ESRRG: variants seen among roughly 807,000 people sequenced by gnomAD.
ESRRG encodes estrogen related receptor gamma.
Under a neutral mutation model 44.0 loss-of-function variants are expected in ESRRG, and 13 were observed. That is an observed-to-expected ratio of 0.30 (90% CI 0.19 to 0.47). The LOEUF (loss-of-function observed/expected upper bound fraction) is 0.47, where lower values mean the gene tolerates loss of function less well. Among genes scored for constraint, ESRRG ranks in the 20% least tolerant of loss-of-function variants. ESRRG has a pLI of 1.00. For missense variants in ESRRG, 395 were observed against 580.6 expected, an observed-to-expected ratio of 0.68 and a Z score of 3.29; for synonymous variants, 215 against 214.6, an observed-to-expected ratio of 1.00 and a Z score of -0.02.
intron 2 of ESRRG, among the ~76,000 whole-genome samples, chr1:216,939,144 G>C (rs11572490): frequency 4.6e-5 from 7 of 151,802 alleles, no homozygotes; most frequent in Non-Finnish European, 5.9e-5. Context: ...AGGACAAGAC[G>C]TAAAGAAGAG....
At chr1:216,549,035 T>C (rs6666762) in intron 5 of ESRRG, among the ~76,000 whole-genome samples, 15,378 of 152,118 alleles carry the variant, frequency 0.1, 1,185 homozygotes, top group African/African-American at 0.22. Context: ...GTATAGAACA[T>C]GACAAATCTG....
At chr1:216,628,451 G>T (rs75715260) in intron 3 of ESRRG, among the ~76,000 whole-genome samples, 3,451 of 152,260 alleles carry the variant, frequency 0.023, 56 homozygotes, top group Non-Finnish European at 0.036. Flanking sequence ...CAAGCTAACA[G>T]CCAATTTGGA....
chr1:216,753,325 G>T (rs975920363), intron 2 of ESRRG, among the ~76,000 whole-genome samples: 4 of 152,012 alleles, frequency 2.6e-5, no homozygotes, highest in East Asian at 1.9e-4. Context: ...AATTCAATTG[G>T]ATGCTTTCAA....
intron 3 of ESRRG, among the ~76,000 whole-genome samples, chr1:216,612,393 C>T (rs2060797025): frequency 6.6e-6 from 1 of 152,144 alleles, no homozygotes; most frequent in African/African-American, 2.4e-5. Context: ...AGAACTGTTT[C>T]AATCCTCAGG....
At chr1:216,563,606 A>T (rs1181601930) in intron 5 of ESRRG, among the ~76,000 whole-genome samples, 2 of 152,204 alleles carry the variant, frequency 1.3e-5, no homozygotes, top group African/African-American at 4.8e-5. Context: ...ACTTACAAGC[A>T]TGTACATATT....
chr1:216,593,160 AAC>A (rs1176117916), intron 3 of ESRRG, among the ~76,000 whole-genome samples: 1 of 152,210 alleles, frequency 6.6e-6, no homozygotes. Context: ...GTGAATGAAT[AAC>A]AGTCACTATG....
At chr1:217,039,719 C>T (rs555176368) in intron 1 of ESRRG, among the ~76,000 whole-genome samples, 1 of 152,284 alleles carries the variant, frequency 6.6e-6, no homozygotes, top group East Asian at 1.9e-4. Flanking sequence ...TCCTTTAAAG[C>T]ACTTAAATTA....
chr1:216,664,879 C>A (rs2073509995), intron 2 of ESRRG, among the ~76,000 whole-genome samples: 1 of 152,014 alleles, frequency 6.6e-6, no homozygotes, highest in African/African-American at 2.4e-5. Context: ...TGTATGCATA[C>A]ATCCAAAAGA....
At chr1:216,568,220 G>A in intron 3 of ESRRG, 122 bp from the exon 4 acceptor site, 1 of 700,916 alleles carries the variant, frequency 1.4e-6, no homozygotes, top group Non-Finnish European at 2.5e-6. Context: ...GAATGGACCA[G>A]GGGTACTCAA....
intron 2 of ESRRG, among the ~76,000 whole-genome samples, chr1:216,934,159 G>A (rs2063756996): frequency 6.6e-6 from 1 of 152,078 alleles, no homozygotes; most frequent in Non-Finnish European, 1.5e-5. Flanking sequence ...AGAGGCTGGG[G>A]GTGGTGGCTC....
At chr1:216,925,543 A>G (rs944610280) in intron 2 of ESRRG, among the ~76,000 whole-genome samples, 1 of 152,204 alleles carries the variant, frequency 6.6e-6, no homozygotes, top group Non-Finnish European at 1.5e-5. Flanking sequence ...TTATTCTCAA[A>G]TACAAGAGAA....
intron 1 of ESRRG, among the ~76,000 whole-genome samples, chr1:216,961,196 T>C (rs2068977128): frequency 6.6e-6 from 1 of 152,186 alleles, no homozygotes; most frequent in Admixed American, 6.6e-5. Flanking sequence ...TAAATTGTGC[T>C]GAGATAACTG....
chr1:216,774,725 G>T (rs1221249013), intron 2 of ESRRG, among the ~76,000 whole-genome samples: 1 of 149,798 alleles, frequency 6.7e-6, no homozygotes, highest in Admixed American at 6.7e-5. Context: ...GACTGTGTAC[G>T]AACAGAGTCT....
chr1:216,711,125 C>A (rs183170501), intron 1 of ESRRG, among the ~76,000 whole-genome samples: 5 of 152,258 alleles, frequency 3.3e-5, no homozygotes, highest in Non-Finnish European at 5.9e-5. Flanking sequence ...ATCGACCGAG[C>A]CAATTTCCTT....
chr1:216,685,595 GCACTGATCTCTACAAATTA>G (rs2077790521), intron 1 of ESRRG, among the ~76,000 whole-genome samples: 1 of 152,196 alleles, frequency 6.6e-6, no homozygotes, highest in East Asian at 1.9e-4. Flanking sequence ...GAAAGTCTAT[GCACTGATCTCTACAAATTA>G]CATTGAATAT....
intron 2 of ESRRG, among the ~76,000 whole-genome samples, chr1:216,736,412 G>T (rs1272214562): frequency 6.6e-6 from 1 of 151,704 alleles, no homozygotes; most frequent in Non-Finnish European, 1.5e-5. Flanking sequence ...CTCGATCTGC[G>T]GACCTCGTGA....
intron 1 of ESRRG, among the ~76,000 whole-genome samples, chr1:217,126,547 A>G (rs2102519006): frequency 6.6e-6 from 1 of 152,226 alleles, no homozygotes; most frequent in East Asian, 1.9e-4. Context: ...GGGTCAAGCT[A>G]TATGACATTG....
At chr1:216,702,619 A>AAG (rs2081601998) in intron 1 of ESRRG, among the ~76,000 whole-genome samples, 1 of 150,484 alleles carries the variant, frequency 6.6e-6, no homozygotes, top group East Asian at 2.0e-4. Context: ...AAAAAAAAAA[A>AAG]AAAGAAAATT....
intron 2 of ESRRG, among the ~76,000 whole-genome samples, chr1:216,663,602 A>T (rs762751941): frequency 1.3e-5 from 2 of 151,298 alleles, no homozygotes; most frequent in African/African-American, 2.4e-5. Context: ...TTAAAAATAG[A>T]TTAAAAAAAT....
Sources: gnomAD v4.1 joint callset for allele counts (sites outside exome capture counted in the v4.1 genomes callset) on GRCh38, gnomAD v4.1.1 for gene constraint, MANE v1.5 for transcripts, NCBI Gene and HGNC (gene_info 2026-07-23, HGNC 2026-07-21) for gene names.